PAPLN: variants seen among roughly 807,000 people sequenced by gnomAD.
PAPLN encodes papilin, proteoglycan like sulfated glycoprotein.
Under a neutral mutation model 159.0 loss-of-function variants are expected in PAPLN, and 146 were observed. The observed-to-expected ratio is 0.92, with a 90% confidence interval of 0.80 to 1.05. The LOEUF (loss-of-function observed/expected upper bound fraction) is 1.05. PAPLN is among the 50% of genes least tolerant of loss of function. The pLI is 0.00. For missense variants in PAPLN, 1,720 were observed against 1,743.9 expected (o/e 0.99, Z 0.24); for synonymous variants, 734 against 702.9 (o/e 1.04, Z -0.70).
At chr14:73,268,328 C>A in intron 25 of PAPLN, 1 of 463,728 alleles carries the variant, frequency 2.2e-6, no homozygotes. Flanking sequence ...AGAAAACAAC[C>A]TCGCCATTCA....
At position 73,259,426 on chromosome 14, in the gene PAPLN, G is replaced by A; in HGVS notation, c.1866G>A (p.Arg622=). The change falls in exon 16 of 27, where the codon CGG becomes CGA. Residue 622 remains arginine (R), a synonymous_variant. Transcript: ENST00000644200. The stretch of plus-strand genomic sequence containing the variant: ...AGCCCCCATACCAGCAACCCCTGCG[G>A]TCGGGCTCAGGGCCCCACGACTGCA... ...LQQPPYQQPL[R]SGSGPHDCRH... 1.9e-6 allele frequency: 3 copies of A among 1,612,920 alleles called. No homozygotes were observed. Among genetic ancestry groups the A allele is most frequent in the Non-Finnish European group, 2.5e-6 (3 of 1,179,690 alleles).
rs1402318909 is a variant in PAPLN, at chr14:73,245,994, CCTGGGCTCG to C, written c.232-78_232-70del. ...GCAGGCAAGGGAGACTCCTGGGCTC[CCTGGGCTCG>C]GGCGGGGCGGGAGGTGGGCGGACCT... is the stretch of plus-strand genomic sequence containing the variant. On this transcript the variant is annotated intron_variant, in intron 4 of 26. Transcript: ENST00000644200. This position sits in a 1 kb window ranked among gnomAD's most constrained non-coding sequence, Gnocchi z 4.2. 12 of 1,383,012 alleles carry C rather than the reference CCTGGGCTCG, an allele frequency of 8.7e-6. No individual in the cohort carries two copies. The highest frequency in any genetic ancestry group is 1.1e-5 in the Non-Finnish European group (11 of 1,045,662). 85.7% of individuals were successfully genotyped at this position (1,383,012 alleles called of 1,614,324 possible).
chr14:73,253,898 C>G lies in PAPLN; in HGVS notation c.1239C>G (p.Pro413=). 1 of 1,613,364 alleles carries G rather than the reference C, an allele frequency of 6.2e-7. No individual in the cohort carries two copies. Among genetic ancestry groups the G allele is most frequent in the Non-Finnish European group, 8.5e-7 (1 of 1,179,912 alleles). The change falls in exon 12 of 27, where the codon CCC becomes CCG. Residue 413 remains proline (P), a synonymous_variant. Coordinates refer to ENST00000644200, the MANE Select transcript of PAPLN (RefSeq NM_001365906.3). ...AGTGTGCCGGGCTGCCTGGGAAGCC[C>G]CCTGCCATTCAGGCCTGTAACCTGC... ...EAECAGLPGK[P]PAIQACNLQR... is the part of the protein sequence containing the mutation.
chr14:73,237,417 T>C (rs961826743), upstream of PAPLN: 3 of 151,994 alleles, frequency 2.0e-5, no homozygotes, highest in African/African-American at 7.3e-5. Flanking sequence ...CCCACGGGGA[T>C]TGGAGGTGGG....
upstream of PAPLN, among the ~76,000 whole-genome samples, chr14:73,236,363 G>A (rs766112825): frequency 1.3e-5 from 2 of 152,144 alleles, no homozygotes; most frequent in African/African-American, 2.4e-5. Flanking sequence ...GAAACCGAGG[G>A]AGCAGGACAT....
In PAPLN at chr14:73,259,079, C is replaced by T; in HGVS notation, c.1708+20C>T. 1.2e-6 allele frequency: 2 copies of T among 1,600,624 alleles called. No homozygotes were observed. The highest frequency in any genetic ancestry group is 1.7e-6 in the Non-Finnish European group (2 of 1,173,428). ...CCTCAGGTGAGAGCCTGGTCCCGTCCCCCACTCAGAGCCCTGTAGTTTTTG... is the reference window on the plus strand; with the variant it reads ...CCTCAGGTGAGAGCCTGGTCCCGTCTCCCACTCAGAGCCCTGTAGTTTTTG... On this transcript the variant is annotated intron_variant, in intron 15 of 26. Coordinates refer to ENST00000644200, the MANE Select transcript of PAPLN (RefSeq NM_001365906.3).
intron 26 of PAPLN, among the ~76,000 whole-genome samples, chr14:73,269,309 AC>A (rs1887497109): frequency 1.4e-5 from 2 of 143,352 alleles, no homozygotes; most frequent in Non-Finnish European, 3.1e-5. Context: ...TTTTTTTTTT[AC>A]CCCCACGAAA....
At chr14:73,242,639 A>G (rs1883706900) in intron 2 of PAPLN, 1 of 152,210 alleles carries the variant, frequency 6.6e-6, no homozygotes, top group South Asian at 2.1e-4. Flanking sequence ...TGAAATAGAA[A>G]CTTGATCCAA....
chr14:73,264,971 C>CT (rs758203513), intron 22 of PAPLN, among the ~76,000 whole-genome samples: 21 of 152,224 alleles, frequency 1.4e-4, no homozygotes, highest in Non-Finnish European at 2.2e-4. Context: ...GCACACACAG[C>CT]TAGAGGGCCT....
intron 26 of PAPLN, among the ~76,000 whole-genome samples, chr14:73,271,540 C>CA (rs1887721494): frequency 6.6e-6 from 1 of 151,054 alleles, no homozygotes; most frequent in South Asian, 2.1e-4. Flanking sequence ...CTTGCTCTGT[C>CA]ACCCAGGCTG....
At chr14:73,236,752 G>T (rs1239026042), upstream of PAPLN, among the ~76,000 whole-genome samples, 1 of 151,616 alleles carries the variant, frequency 6.6e-6, no homozygotes, top group Non-Finnish European at 1.5e-5. Flanking sequence ...GGAGGCGGAG[G>T]TTGCAGTGAG....
chr14:73,262,508 A>AGCAGCT lies in PAPLN; in HGVS notation c.2407_2412dup (p.Ser803_Cys804dup). 1.3e-6 allele frequency: 2 copies of AGCAGCT among 1,583,234 alleles called. No homozygotes were observed. The highest frequency in any genetic ancestry group is 1.7e-6 in the Non-Finnish European group (2 of 1,164,024). On this transcript the variant is annotated inframe_insertion, in exon 19 of 27. Transcript: ENST00000644200. ...CTTTGCCTCGGAGCAAGAGTGCATG[A>AGCAGCT]GCAGCTGCCAGGGATCTCTCCATGG... is the stretch of plus-strand genomic sequence containing the variant.
At position 73,262,824 on chromosome 14, in the gene PAPLN, A is replaced by C; in HGVS notation, c.2720A>C (p.Tyr907Ser). The C allele has an allele frequency of 6.8e-7, 1 of 1,475,676 alleles. No homozygotes were observed. The highest frequency in any genetic ancestry group is 9.0e-7 in the Non-Finnish European group (1 of 1,115,964). 91.4% of individuals were successfully genotyped at this position (1,475,676 alleles called of 1,614,324 possible). A position where few individuals can be genotyped will look rare whatever the true frequency, so the allele number is the denominator to read the frequency against. The part of the protein sequence containing the change: ...SPAPPFHSSS[Y>S]RISLAGVEPS... Reference sequence around the variant, plus strand: ...GCGCCACCCTTCCACAGCTCCTCCTACAGGTGAGGCCCACCTTCCCCAGGT... The same window carrying C: ...GCGCCACCCTTCCACAGCTCCTCCTCCAGGTGAGGCCCACCTTCCCCAGGT... The change falls in exon 19 of 27, where the codon TAC becomes TCC. Residue 907 changes from tyrosine to serine, a missense_variant. By Grantham distance (144) the Tyr-to-Ser change is moderately radical. Coordinates refer to ENST00000644200, the MANE Select transcript of PAPLN (RefSeq NM_001365906.3).
Position 73,272,856 on chromosome 14 carries a change from C to T in PAPLN, c.*192C>T. ...ACCAGCTTCTCTCTGTAGCCTTCAG[C>T]AGTGTTTGCATCTCTGACATAACCA... On this transcript the variant is annotated 3_prime_UTR_variant, in exon 27 of 27. Transcript: ENST00000644200. The T allele has an allele frequency of 2.2e-6, 1 of 464,134 alleles. No individual in the cohort carries two copies. The allele number at this position is 464,134 out of a possible 1,614,324, so 28.8% of individuals were successfully genotyped here. A position where few individuals can be genotyped will look rare whatever the true frequency, so the allele number is the denominator to read the frequency against.
At position 73,272,457 on chromosome 14, in the gene PAPLN, C is replaced by T. The variant is rs143537433; in HGVS notation, c.3668-38C>T. ...GTGAGAATTTTCAGCATACACAGAG[C>T]TTCCTCACCACCTTCTCTCTCCCCT... On this transcript the variant is annotated intron_variant, in intron 26 of 26. Coordinates refer to ENST00000644200, the MANE Select transcript of PAPLN (RefSeq NM_001365906.3). 4.5e-4 allele frequency: 668 copies of T among 1,472,138 alleles called. 3 individuals are homozygous for T. In the Middle Eastern group the frequency reaches 5.3e-3, roughly 12 times the overall value. The allele number at this position is 1,472,138 out of a possible 1,614,324, so 91.2% of individuals were successfully genotyped here.
At chr14:73,264,911 G>A (rs1312045115) in intron 22 of PAPLN, among the ~76,000 whole-genome samples, 185 bp downstream of exon 22, 1 of 152,250 alleles carries the variant, frequency 6.6e-6, no homozygotes, top group Non-Finnish European at 1.5e-5. Flanking sequence ...AAGCTTCTGG[G>A]AACGGTGCAG....
At chr14:73,271,028 C>T (rs1477122538) in intron 26 of PAPLN, among the ~76,000 whole-genome samples, 3 of 152,122 alleles carry the variant, frequency 2.0e-5, no homozygotes, top group Non-Finnish European at 4.4e-5. Context: ...GTTGCTGTTG[C>T]TGTTATTAGT....
intron 16 of PAPLN, 77 bp downstream of exon 16, chr14:73,259,622 T>G: frequency 1.1e-5 from 16 of 1,408,704 alleles, no homozygotes; most frequent in South Asian, 1.6e-5. Context: ...CCAACATCTC[T>G]GATCAGAAGA....
chr14:73,249,244 T>G (rs1884952190), intron 5 of PAPLN, among the ~76,000 whole-genome samples: 1 of 152,266 alleles, frequency 6.6e-6, no homozygotes, highest in African/African-American at 2.4e-5. Flanking sequence ...GCTTACATAT[T>G]TGTAATTATT....
Sources: gnomAD v4.1 joint callset for allele counts (sites outside exome capture counted in the v4.1 genomes callset) on GRCh38, gnomAD v4.1.1 for gene constraint, Gnocchi (gnomAD v3.1) non-coding constraint, MANE v1.5 for transcripts, NCBI Gene and HGNC (gene_info 2026-07-23, HGNC 2026-07-21) for gene names.